Variants in PPP4R3B observed in about 807,000 individuals in gnomAD.
PPP4R3B encodes the protein protein phosphatase 4 regulatory subunit 3B.
PPP4R3B carries 52 observed loss-of-function variants against 95.4 expected under a neutral mutation model. That is an observed-to-expected ratio of 0.54 (90% confidence interval 0.44 to 0.69). The LOEUF (loss-of-function observed/expected upper bound fraction) is 0.69, where lower values mean the gene tolerates loss of function less well. Ranked by LOEUF, PPP4R3B falls within the 30% of genes least tolerant of loss-of-function variation. PPP4R3B has a pLI of 0.00. For missense variants in PPP4R3B, 1,003 were observed against 1,005.9 expected (o/e 1.00, Z 0.04); for synonymous variants, 407 against 343.9 (o/e 1.18, Z -2.03).
intron 2 of PPP4R3B, among the ~76,000 whole-genome samples, chr2:55,609,609 A>G (rs999955878): frequency 1.3e-5 from 2 of 151,618 alleles, no homozygotes; most frequent in Admixed American, 6.6e-5. Flanking sequence ...TTAAAGCTGC[A>G]GTAAGCCATG....
At chr2:55,570,492 G>A (rs1438579146) in intron 12 of PPP4R3B, among the ~76,000 whole-genome samples, 2 of 152,156 alleles carry the variant, frequency 1.3e-5, no homozygotes, top group South Asian at 2.1e-4. Flanking sequence ...ACTAAATTTA[G>A]CAATATTACT....
chr2:55,607,620 C>G (rs903369372), intron 2 of PPP4R3B, among the ~76,000 whole-genome samples: 5 of 152,186 alleles, frequency 3.3e-5, no homozygotes, highest in African/African-American at 1.2e-4. Context: ...ACTTAGTTAT[C>G]TGGGAGCTCT....
intron 4 of PPP4R3B, 23 bp from the exon 5 acceptor site, chr2:55,588,979 A>G (rs1000380946): frequency 2.8e-6 from 4 of 1,416,778 alleles, no homozygotes; most frequent in Non-Finnish European, 3.9e-6. Flanking sequence ...AATAATTACT[A>G]TGAAATATTA....
At chr2:55,559,819 G>A (rs1369046161) in intron 15 of PPP4R3B, among the ~76,000 whole-genome samples, 1 of 152,142 alleles carries the variant, frequency 6.6e-6, no homozygotes, top group Admixed American at 6.5e-5. Flanking sequence ...ATGTGGTACT[G>A]CTATAAAGAT....
rs188959931 is a variant in PPP4R3B, at chr2:55,580,491, A to G, written c.1366-710T>C. Among the ~76,000 whole-genome samples the G allele has an allele frequency of 3.8e-3, 577 of 152,328 alleles. 1 individual carries two copies. Among genetic ancestry groups the G allele is most frequent in the Middle Eastern group, 6.8e-3 (2 of 294 alleles). ...GAAGAATAAAAATGTTTAGAAAGAA[A>G]AAGAACCAATTAAGCCCATGTGATA... On this transcript the variant is annotated intron_variant, in intron 8 of 16. Transcript: ENST00000616407.
chr2:55,601,915 G>T (rs555478445), intron 3 of PPP4R3B, among the ~76,000 whole-genome samples: 2 of 152,240 alleles, frequency 1.3e-5, no homozygotes, highest in South Asian at 4.1e-4. Context: ...ACTGGCCCAT[G>T]CTGCAGTTAT....
At chr2:55,554,069 T>C (rs1685552925) in intron 16 of PPP4R3B, among the ~76,000 whole-genome samples, 2 of 152,188 alleles carry the variant, frequency 1.3e-5, no homozygotes, top group Admixed American at 1.3e-4. Flanking sequence ...TACACCATTT[T>C]ATTTTTATAT....
intron 16 of PPP4R3B, among the ~76,000 whole-genome samples, chr2:55,555,008 C>T (rs981677182): frequency 2.0e-5 from 3 of 152,060 alleles, no homozygotes; most frequent in East Asian, 1.9e-4. Flanking sequence ...TGGCCGGGCG[C>T]GGTGGCTCAC....
In PPP4R3B at chr2:55,580,974, C is replaced by T. The variant is rs377244338; in HGVS notation, c.1365+593G>A. On this transcript the variant is annotated intron_variant, in intron 8 of 16. Transcript: ENST00000616407. ...ACTTGCTATTTAAAAATGTATTGGC[C>T]GGGCATGGTGACTCACACCTGTAAT... Among the ~76,000 whole-genome samples the T allele has an allele frequency of 1.2e-3, 181 of 152,076 alleles. 1 individual carries two copies. The highest frequency in any genetic ancestry group is 0.01 in the Middle Eastern group (3 of 294).
In PPP4R3B at chr2:55,617,370, G is replaced by C; in HGVS notation, c.-85C>G. 7.2e-7 allele frequency: 1 copy of C among 1,384,738 alleles called. No homozygotes were observed. The highest frequency in any genetic ancestry group is 1.6e-5 in the South Asian group (1 of 61,486). The allele number at this position is 1,384,738 out of a possible 1,614,324, so 85.8% of individuals were successfully genotyped here. On this transcript the variant is annotated 5_prime_UTR_variant, in exon 1 of 17. Transcript: ENST00000616407. The stretch of plus-strand genomic sequence containing the variant: ...TCACTCTTAGGAGACGGTAAAGGCA[G>C]TAGTGGCGGTGGCGGCGGCGGCGGC...
At chr2:55,601,689 C>A (rs537949828) in intron 3 of PPP4R3B, among the ~76,000 whole-genome samples, 1 of 152,136 alleles carries the variant, frequency 6.6e-6, no homozygotes, top group Non-Finnish European at 1.5e-5. Context: ...CCCAGACCAA[C>A]TGTTAATGAC....
At chr2:55,576,462 GC>G (rs1198982741) in intron 11 of PPP4R3B, among the ~76,000 whole-genome samples, 1 of 151,732 alleles carries the variant, frequency 6.6e-6, no homozygotes, top group African/African-American at 2.4e-5. Context: ...ACAAAAACAG[GC>G]CGGGCGCGGT....
chr2:55,604,342 T>C (rs896946552), intron 2 of PPP4R3B, among the ~76,000 whole-genome samples: 6 of 152,274 alleles, frequency 3.9e-5, no homozygotes, highest in African/African-American at 1.4e-4. Context: ...ATAATATTTA[T>C]AAAAAGGCTA....
At chr2:55,599,522 T>G (rs1420013466) in intron 3 of PPP4R3B, among the ~76,000 whole-genome samples, 1 of 152,186 alleles carries the variant, frequency 6.6e-6, no homozygotes. Flanking sequence ...ATGACTCTCA[T>G]GAGTAGGGCC....
At chr2:55,594,309 A>T (rs1691465833) in intron 4 of PPP4R3B, among the ~76,000 whole-genome samples, 2 of 152,196 alleles carry the variant, frequency 1.3e-5, no homozygotes, top group South Asian at 2.1e-4. Flanking sequence ...AAATAAAAAA[A>T]AAAAAAAAAA....
chr2:55,584,393 T>C (rs1689845988), intron 7 of PPP4R3B, among the ~76,000 whole-genome samples: 1 of 152,138 alleles, frequency 6.6e-6, no homozygotes, highest in South Asian at 2.1e-4. Context: ...TGGTGTTTGG[T>C]TACATGAGTA....
intron 2 of PPP4R3B, chr2:55,614,347 T>C (rs1158351570): frequency 3.9e-5 from 6 of 152,144 alleles, no homozygotes; most frequent in African/African-American, 1.2e-4. Flanking sequence ...CAAAAAAGAA[T>C]ACCTGGAAAT....
chr2:55,597,419 G>C (rs573874155), intron 4 of PPP4R3B, among the ~76,000 whole-genome samples: 1 of 151,966 alleles, frequency 6.6e-6, no homozygotes, highest in Admixed American at 6.6e-5. Flanking sequence ...TCAGGAGATC[G>C]AGACCATCCT....
At chr2:55,589,136 T>C (rs1169805750) in intron 4 of PPP4R3B, among the ~76,000 whole-genome samples, 180 bp from the exon 5 acceptor site, 3 of 151,564 alleles carry the variant, frequency 2.0e-5, no homozygotes, top group Non-Finnish European at 2.9e-5. Flanking sequence ...CATTCAATTC[T>C]TGTTATAAAT....
Sources: gnomAD v4.1 joint callset for allele counts (sites outside exome capture counted in the v4.1 genomes callset) on GRCh38, gnomAD v4.1.1 for gene constraint, MANE v1.5 for transcripts, NCBI Gene and HGNC (gene_info 2026-07-23, HGNC 2026-07-21) for gene names.